The following MBD2 variants were observed in gnomAD, a reference collection of about 807,000 sequenced individuals.
MBD2 encodes methyl-CpG binding domain protein 2, also known as methyl-CpG-binding domain protein 2.
MBD2 carries 9 observed loss-of-function variants against 39.3 expected under a neutral mutation model. The observed-to-expected ratio is 0.23, with a 90% CI of 0.14 to 0.40. The LOEUF (loss-of-function observed/expected upper bound fraction) is 0.40, where lower values mean the gene tolerates loss of function less well. Among genes scored for constraint, MBD2 ranks in the 10% least tolerant of loss-of-function variants. The pLI is 1.00. For synonymous variants in MBD2, 233 were observed against 211.1 expected (o/e 1.10, Z -0.90); for missense variants, 458 against 532.6 (o/e 0.86, Z 1.38).
rs2086645498 is a variant in MBD2, at chr18:54,224,472, A to C, written c.88T>G (p.Ser30Ala). ...CCCTGGCCCCCCTGCTCTATGGCGG[A>C]GTCGCCGCCAGCGCCGCTGCCGCCC... ...AAGGSGAGGD[S>A]AIEQGGQGSA... The change falls in exon 1 of 7, where the codon TCC becomes GCC. Residue 30 changes from serine (S) to alanine (A), a missense_variant. Physicochemically the swap from Ser to Ala is moderately conservative, Grantham distance 99. This residue lies in a region of MBD2 where 269 missense variants were observed against 236.0 expected (regional missense o/e 1.14). Coordinates refer to ENST00000256429, the MANE Select transcript of MBD2 (RefSeq NM_003927.5). 1.6e-6 allele frequency: 2 copies of C among 1,220,566 alleles called. No homozygotes were observed. Among genetic ancestry groups the C allele is most frequent in the East Asian group, 3.3e-5 (1 of 30,420 alleles). 75.6% of individuals were successfully genotyped at this position (1,220,566 alleles called of 1,614,324 possible).
chr18:54,186,021 C>G (rs532989479), intron 3 of MBD2, among the ~76,000 whole-genome samples: 1 of 151,862 alleles, frequency 6.6e-6, no homozygotes, highest in Non-Finnish European at 1.5e-5. Context: ...ATATAAATGA[C>G]CTGGGCATAG....
At chr18:54,223,604 A>G (rs2086633005) in intron 1 of MBD2, among the ~76,000 whole-genome samples, 1 of 152,250 alleles carries the variant, frequency 6.6e-6, no homozygotes, top group Non-Finnish European at 1.5e-5. Flanking sequence ...AAACCTTGTT[A>G]CTGTAGATAG....
chr18:54,164,040 T>G (rs2144281146), intron 5 of MBD2, among the ~76,000 whole-genome samples: 1 of 152,262 alleles, frequency 6.6e-6, no homozygotes. Context: ...CATACTACCA[T>G]GCCTCACTAA....
rs571550406 is a variant in MBD2, at chr18:54,187,026, T to C, written c.840+1848A>G. 4.6e-4 allele frequency among the ~76,000 whole-genome samples: 70 copies of C among 152,326 alleles called. No individual in the cohort carries two copies. The Middle Eastern group carries it at 0.01, about 22-fold the overall frequency. ...TCTGGTTATTTCAACTTTAAAACTCTAAGTTACCAATATCTCTATAGCCAG... is the reference window on the plus strand; with the variant it reads ...TCTGGTTATTTCAACTTTAAAACTCCAAGTTACCAATATCTCTATAGCCAG... On this transcript the variant is annotated intron_variant, in intron 3 of 6. Transcript: ENST00000256429.
At chr18:54,205,183 C>T (rs760044841) in intron 1 of MBD2, 26 bp from the exon 2 acceptor site, 4 of 1,602,554 alleles carry the variant, frequency 2.5e-6, no homozygotes, top group Non-Finnish European at 2.6e-6. Flanking sequence ...GTTAATTGAA[C>T]AAAAGGCAAC....
At chr18:54,156,135 A>G (rs1191070024) in intron 6 of MBD2, among the ~76,000 whole-genome samples, 5 of 152,176 alleles carry the variant, frequency 3.3e-5, no homozygotes, top group Non-Finnish European at 7.4e-5. Flanking sequence ...CCTATACCAC[A>G]GGTTATTACG....
chr18:54,203,843 T>C (rs2086428230), intron 2 of MBD2, among the ~76,000 whole-genome samples: 1 of 152,184 alleles, frequency 6.6e-6, no homozygotes. Context: ...ACGAGCAGTG[T>C]GGAAAGCAAA....
intron 1 of MBD2, among the ~76,000 whole-genome samples, chr18:54,220,327 T>A: frequency 6.6e-6 from 1 of 151,920 alleles, no homozygotes; most frequent in East Asian, 1.9e-4. Context: ...ACACACTAGA[T>A]GATAATATAT....
chr18:54,174,740 T>C (rs2086199756), intron 3 of MBD2, among the ~76,000 whole-genome samples: 1 of 152,230 alleles, frequency 6.6e-6, no homozygotes, highest in Non-Finnish European at 1.5e-5. Context: ...TATTGGAAGA[T>C]GTAGAGTTCC....
intron 3 of MBD2, among the ~76,000 whole-genome samples, chr18:54,173,902 G>T (rs661215): frequency 0.042 from 6,423 of 152,220 alleles, 433 homozygotes; most frequent in African/African-American, 0.14. Context: ...TAATCTTCTT[G>T]TTATTTTTAG....
intron 6 of MBD2, among the ~76,000 whole-genome samples, chr18:54,157,188 T>C (rs931374653): frequency 1.3e-5 from 2 of 151,920 alleles, no homozygotes; most frequent in Non-Finnish European, 2.9e-5. Flanking sequence ...AAAATCCAAG[T>C]ATCAACACAG....
At chr18:54,194,480 A>G (rs2086349200) in intron 2 of MBD2, among the ~76,000 whole-genome samples, 1 of 152,048 alleles carries the variant, frequency 6.6e-6, no homozygotes, top group African/African-American at 2.4e-5. Flanking sequence ...TATTATAATT[A>G]TTAGTATATA....
intron 5 of MBD2, among the ~76,000 whole-genome samples, chr18:54,160,650 T>TAAAAAAAAA (rs574101659): frequency 9.4e-5 from 7 of 74,486 alleles, no homozygotes; most frequent in African/African-American, 1.1e-4. Context: ...CTTTAAAAAG[T>TAAAAAAAAA]AAAAAAAAAA....
chr18:54,192,045 A>G (rs1263687554), intron 2 of MBD2, among the ~76,000 whole-genome samples: 1 of 152,226 alleles, frequency 6.6e-6, no homozygotes, highest in Non-Finnish European at 1.5e-5. Context: ...TGATGCAAAG[A>G]AAGTTTGAAC....
chr18:54,162,894 G>A (rs935531695), intron 5 of MBD2, among the ~76,000 whole-genome samples: 2 of 152,066 alleles, frequency 1.3e-5, no homozygotes, highest in African/African-American at 2.4e-5. Context: ...CCCAAGAAGG[G>A]CTTTCCCATT....
chr18:54,218,296 T>C (rs1337761295), intron 1 of MBD2, among the ~76,000 whole-genome samples: 1 of 152,176 alleles, frequency 6.6e-6, no homozygotes, highest in African/African-American at 2.4e-5. Context: ...TACATTTTTT[T>C]CCCCTCCAGG....
At chr18:54,165,956 A>G (rs528084192) in intron 4 of MBD2, 120 bp downstream of exon 4, 1 of 658,496 alleles carries the variant, frequency 1.5e-6, no homozygotes, top group East Asian at 2.7e-5. Flanking sequence ...CCAGCAAGGC[A>G]TATGACCTCC....
At chr18:54,191,918 A>T (rs1274309586) in intron 2 of MBD2, among the ~76,000 whole-genome samples, 1 of 152,336 alleles carries the variant, frequency 6.6e-6, no homozygotes, top group East Asian at 1.9e-4. Flanking sequence ...GATTTTCAAA[A>T]AATATATAAA....
Position 54,189,691 on chromosome 18 carries a change from C to T in MBD2, c.703-680G>A, listed in dbSNP as rs187042671. Among the ~76,000 whole-genome samples the T allele has an allele frequency of 2.1e-3, 321 of 152,162 alleles. 1 individual carries two copies. Among genetic ancestry groups the T allele is most frequent in the African/African-American group, 7.3e-3 (305 of 41,514 alleles). ...TAGGGGCAGGGTCTCACTCTGTTGC[C>T]CAGACTGGAGCTCAGTGGCATGATC... On this transcript the variant is annotated intron_variant, in intron 2 of 6. Coordinates refer to ENST00000256429, the MANE Select transcript of MBD2 (RefSeq NM_003927.5).
Sources: gnomAD v4.1 joint callset for allele counts (sites outside exome capture counted in the v4.1 genomes callset) on GRCh38, gnomAD v4.1.1 for gene constraint, gnomAD v4.1.1 regional missense constraint, MANE v1.5 for transcripts, NCBI Gene and HGNC (gene_info 2026-07-23, HGNC 2026-07-21) for gene names.